COX4I2: variants seen among roughly 807,000 people sequenced by gnomAD.
COX4I2 encodes cytochrome c oxidase subunit 4I2.
COX4I2 carries 15 observed loss-of-function variants against 20.8 expected under a neutral mutation model. The ratio of observed to expected loss-of-function variants is 0.72; its 90% confidence interval spans 0.48 to 1.11. The LOEUF is 1.11. Among genes scored for constraint, COX4I2 ranks in the 50% most tolerant of loss-of-function variants. COX4I2 has a pLI of 0.00. For missense variants in COX4I2, 224 were observed against 223.0 expected (o/e 1.00, Z -0.03); for synonymous variants, 80 against 78.1 (o/e 1.02, Z -0.13).
chr20:31,638,941 T>A (rs1046635610), intron 1 of COX4I2, 77 bp from the exon 2 acceptor site: 1 of 1,428,830 alleles, frequency 7.0e-7, no homozygotes, highest in Non-Finnish European at 9.7e-7. Context: ...TGGAAAAGGA[T>A]TTTTCCATCT....
Position 31,643,398 on chromosome 20 carries a change from C to T in COX4I2, c.248-6C>T, listed in dbSNP as rs775913869. Reference sequence around the variant, plus strand: ...AGGCCCCTTCCCCACACCCAACTGCCTCCAGTGTACCGGCTCCAGTTCAAT... The same window carrying T: ...AGGCCCCTTCCCCACACCCAACTGCTTCCAGTGTACCGGCTCCAGTTCAAT... On this transcript the variant is annotated splice_region_variant and splice_polypyrimidine_tract_variant and intron_variant, in intron 3 of 4. Coordinates refer to ENST00000376075, the MANE Select transcript of COX4I2 (RefSeq NM_032609.3). The T allele has an allele frequency of 1.3e-5, 21 of 1,613,962 alleles. No homozygotes were observed. In the South Asian group the frequency reaches 2.3e-4, roughly 18 times the overall value.
In COX4I2 at chr20:31,644,756, T is replaced by C; in HGVS notation, c.380-12T>C. On this transcript the variant is annotated splice_polypyrimidine_tract_variant and intron_variant, in intron 4 of 4. Transcript: ENST00000376075. ...TGGCAGGATCCTGATCCACCCCATG[T>C]ACTCCCTGCAGTATTTCCTCCAAAG... The C allele has an allele frequency of 6.2e-7, 1 of 1,613,864 alleles. No individual in the cohort carries two copies. The highest frequency in any genetic ancestry group is 8.5e-7 in the Non-Finnish European group (1 of 1,179,848).
At chr20:31,641,065 A>C (rs1242704970) in intron 3 of COX4I2, among the ~76,000 whole-genome samples, 1 of 151,916 alleles carries the variant, frequency 6.6e-6, no homozygotes, top group African/African-American at 2.4e-5. Flanking sequence ...TAGCATTAGG[A>C]GATATACCTA....
chr20:31,642,004 C>CTATT (rs966646469), intron 3 of COX4I2, among the ~76,000 whole-genome samples: 40 of 151,854 alleles, frequency 2.6e-4, no homozygotes, highest in Non-Finnish European at 4.4e-4. Context: ...CCATGCCCGG[C>CTATT]TATTTATTTA....
At chr20:31,639,129 A>G (rs374838189) in intron 2 of COX4I2, 30 bp downstream of exon 2, 19 of 1,585,758 alleles carry the variant, frequency 1.2e-5, no homozygotes, top group Non-Finnish European at 1.5e-5. Context: ...CTCCCTGCCT[A>G]ACTCCAGAGA....
At chr20:31,640,955 A>G (rs1285326812) in intron 3 of COX4I2, among the ~76,000 whole-genome samples, 3 of 17,404 alleles carry the variant, frequency 1.7e-4, no homozygotes, top group Non-Finnish European at 3.1e-4. Context: ...CTCTCTTTCT[A>G]CACACACACA....
rs777980097 is a variant in COX4I2, at chr20:31,644,855, A to G, written c.467A>G (p.Gln156Arg). The change falls in exon 5 of 5, where the codon CAG becomes CGG. Residue 156 changes from glutamine to arginine, a missense_variant. Transcript: ENST00000376075. ...CTGGACATGAAGGTGAATCCTGTGCAGGGCCTGGCCTCCCGCTGGGACTAT... is the reference window on the plus strand; with the variant it reads ...CTGGACATGAAGGTGAATCCTGTGCGGGGCCTGGCCTCCCGCTGGGACTAT... ...RMLDMKVNPVQGLASRWDYEK... is the reference protein window; with the variant it reads ...RMLDMKVNPVRGLASRWDYEK... 3.1e-6 allele frequency: 5 copies of G among 1,613,980 alleles called. No homozygotes were observed. The highest frequency in any genetic ancestry group is 4.2e-6 in the Non-Finnish European group (5 of 1,180,016).
In COX4I2 at chr20:31,643,459, G is replaced by A. The variant is rs775727984; in HGVS notation, c.303G>A (p.Glu101=). ...CGGAGATGAACCGTCGCTCCAATGA[G>A]TGGAAGACAGTGATGGGTTGTGTCT... ...TFAEMNRRSN[E]WKTVMGCVFF... is the part of the protein sequence containing the mutation. The change falls in exon 4 of 5, where the codon GAG becomes GAA. Residue 101 remains glutamate, a synonymous_variant. Coordinates refer to ENST00000376075, the MANE Select transcript of COX4I2 (RefSeq NM_032609.3). 1 of 1,614,200 alleles carries A rather than the reference G, an allele frequency of 6.2e-7. No homozygotes were observed. The highest frequency in any genetic ancestry group is 1.1e-5 in the South Asian group (1 of 91,088).
intron 1 of COX4I2, 132 bp from the exon 2 acceptor site, chr20:31,638,886 G>C: frequency 1.0e-6 from 1 of 959,598 alleles, no homozygotes; most frequent in Non-Finnish European, 1.6e-6. Flanking sequence ...AAGGGCATGA[G>C]GGTGACCTTG....
chr20:31,640,247 G>C (rs1189667288), intron 3 of COX4I2, 150 bp downstream of exon 3: 2 of 806,500 alleles, frequency 2.5e-6, no homozygotes, highest in Admixed American at 2.5e-5. Flanking sequence ...GCCTTTGTTC[G>C]TTTCTTTATT....
chr20:31,639,981 G>T lies in COX4I2; in HGVS notation c.131G>T (p.Arg44Leu). 6.2e-7 allele frequency: 1 copy of T among 1,614,072 alleles called. No individual in the cohort carries two copies. The highest frequency in any genetic ancestry group is 2.2e-5 in the East Asian group (1 of 44,884). Residue 44 changes from arginine (R) to leucine (L), a missense_variant, in exon 3 of 5, where the codon CGC becomes CTC. Arg to Leu is a moderately radical substitution (Grantham distance 102). Transcript: ENST00000376075. ...MSPYTNCYAQ[R>L]YYPMPEEPFC... is the part of the protein sequence containing the mutation. ...CCCTACACCAACTGCTATGCCCAGC[G>T]CTACTACCCCATGCCAGAAGAGCCC...
At chr20:31,639,324 C>T in intron 2 of COX4I2, 1 of 979,506 alleles carries the variant, frequency 1.0e-6, no homozygotes, top group Non-Finnish European at 1.2e-6. Flanking sequence ...TCCTTAGGAG[C>T]CAGCCCCCAA....
intron 1 of COX4I2, among the ~76,000 whole-genome samples, chr20:31,638,314 C>T (rs1301821817): frequency 6.6e-6 from 1 of 151,752 alleles, no homozygotes; most frequent in African/African-American, 2.4e-5. Context: ...CTCTCTCTCC[C>T]TAGATGTGGG....
At chr20:31,641,070 T>C (rs1304992584) in intron 3 of COX4I2, among the ~76,000 whole-genome samples, 2 of 151,690 alleles carry the variant, frequency 1.3e-5, no homozygotes, top group Non-Finnish European at 2.9e-5. Flanking sequence ...TTAGGAGATA[T>C]ACCTAATTCT....
intron 3 of COX4I2, among the ~76,000 whole-genome samples, chr20:31,640,884 G>A (rs2060463889): frequency 1.3e-5 from 2 of 151,458 alleles, no homozygotes; most frequent in Non-Finnish European, 1.5e-5. Flanking sequence ...GCCAGGCTCC[G>A]TTCCTGCCTG....
At chr20:31,638,928 C>T in intron 1 of COX4I2, 90 bp from the exon 2 acceptor site, 2 of 1,282,986 alleles carry the variant, frequency 1.6e-6, no homozygotes, top group South Asian at 2.5e-5. Flanking sequence ...ACTACCATAC[C>T]AGTGGAAAAG....
chr20:31,640,669 G>A (rs2060462621), intron 3 of COX4I2, among the ~76,000 whole-genome samples: 1 of 152,078 alleles, frequency 6.6e-6, no homozygotes, highest in Admixed American at 6.6e-5. Flanking sequence ...CCCTTGTCAT[G>A]TCCACCAGAG....
rs201301023 is a variant in COX4I2, at chr20:31,644,984, C to A, written c.*80C>A. 6.6e-7 allele frequency: 1 copy of A among 1,521,770 alleles called. No individual in the cohort carries two copies. 94.3% of individuals were successfully genotyped at this position (1,521,770 alleles called of 1,614,324 possible). On this transcript the variant is annotated 3_prime_UTR_variant, in exon 5 of 5. Coordinates refer to ENST00000376075, the MANE Select transcript of COX4I2 (RefSeq NM_032609.3). ...GCCCCTCCCCTCCCCTGCCCTTAACCCCAGTAAAGCTCCAAAAAAAAATTT... is the reference window on the plus strand; with the variant it reads ...GCCCCTCCCCTCCCCTGCCCTTAACACCAGTAAAGCTCCAAAAAAAAATTT...
chr20:31,640,270 T>C (rs896430736), intron 3 of COX4I2, among the ~76,000 whole-genome samples, 173 bp downstream of exon 3: 5 of 152,134 alleles, frequency 3.3e-5, no homozygotes, highest in African/African-American at 1.2e-4. Context: ...CTCACCTGTT[T>C]GTGCATAGCC....
Sources: allele counts gnomAD v4.1 joint callset (sites outside exome capture counted in the v4.1 genomes callset), GRCh38; gene constraint gnomAD v4.1.1; transcripts MANE v1.5; gene names NCBI Gene and HGNC (gene_info 2026-07-23, HGNC 2026-07-21).